INSYN2B: variants seen among roughly 807,000 people sequenced by gnomAD.
INSYN2B encodes the protein inhibitory synaptic factor family member 2B.
INSYN2B carries 16 observed loss-of-function variants against 41.2 expected under a neutral mutation model. The ratio of observed to expected loss-of-function variants is 0.39; its 90% CI spans 0.26 to 0.59. INSYN2B has a LOEUF of 0.59. INSYN2B is among the 20% of genes least tolerant of loss of function. The probability of loss-of-function intolerance (pLI) is 0.57; values close to 1 mark genes in which losing one functional copy is unlikely to be tolerated. For missense variants in INSYN2B, 608 were observed against 646.4 expected (o/e 0.94, Z 0.64); for synonymous variants, 245 against 244.4 (o/e 1.00, Z -0.02).
intron 1 of INSYN2B, among the ~76,000 whole-genome samples, chr5:169,935,391 GCCCTAGCTTT>G (rs1775940251): frequency 4.6e-5 from 7 of 152,278 alleles, no homozygotes; most frequent in African/African-American, 1.7e-4. Flanking sequence ...GGCCTAGAAT[GCCCTAGCTTT>G]CTTTCTCTTC....
chr5:169,910,212 G>C (rs765472952), intron 1 of INSYN2B, among the ~76,000 whole-genome samples: 2 of 152,124 alleles, frequency 1.3e-5, no homozygotes, highest in Non-Finnish European at 2.9e-5. Context: ...GCAAAGAAGA[G>C]GACAGTCATC....
chr5:169,901,960 G>A (rs1398248112), intron 1 of INSYN2B, among the ~76,000 whole-genome samples: 1 of 152,220 alleles, frequency 6.6e-6, no homozygotes, highest in Admixed American at 6.5e-5. Flanking sequence ...TTTGGAGCAT[G>A]AGTGGTGTAC....
At chr5:169,968,938 T>C (rs954068275) in intron 1 of INSYN2B, among the ~76,000 whole-genome samples, 6 of 152,188 alleles carry the variant, frequency 3.9e-5, no homozygotes, top group Non-Finnish European at 8.8e-5. Flanking sequence ...CACTTGAGTC[T>C]AGGAGTTTGA....
chr5:169,949,318 G>A (rs116127168), intron 1 of INSYN2B, among the ~76,000 whole-genome samples: 2 of 152,136 alleles, frequency 1.3e-5, no homozygotes, highest in Non-Finnish European at 2.9e-5. Context: ...AATGTGGACA[G>A]AACTGTAAAT....
At chr5:169,916,628 G>A (rs979188317) in intron 1 of INSYN2B, among the ~76,000 whole-genome samples, 28 of 152,186 alleles carry the variant, frequency 1.8e-4, no homozygotes, top group African/African-American at 6.0e-4. Context: ...GTGCTTAGAA[G>A]AGTACCTGGC....
At chr5:169,955,172 G>A (rs1391297700) in intron 1 of INSYN2B, among the ~76,000 whole-genome samples, 10 of 152,204 alleles carry the variant, frequency 6.6e-5, no homozygotes, top group Admixed American at 5.9e-4. Flanking sequence ...GGAGGATGAC[G>A]AGATCGCCAG....
In INSYN2B at chr5:169,943,328, C is replaced by A. The variant is rs541130040; in HGVS notation, c.-919+36949G>T. On this transcript the variant is annotated intron_variant, in intron 1 of 3. Transcript: ENST00000377365. ...GCAGTAGCTGTCTAAAGGTTGATCC[C>A]ACCCTGAGATCCAGGCCCTGTGGAC... Among the ~76,000 whole-genome samples, 6 of 152,250 alleles carry A rather than the reference C, an allele frequency of 3.9e-5. No individual in the cohort carries two copies. The South Asian group carries it at 1.2e-3, about 32-fold the overall frequency.
chr5:169,926,774 G>C (rs902811863), intron 1 of INSYN2B, among the ~76,000 whole-genome samples: 1 of 152,156 alleles, frequency 6.6e-6, no homozygotes, highest in Non-Finnish European at 1.5e-5. Flanking sequence ...CATTCATTTA[G>C]CAACTAGTTA....
chr5:169,883,959 C>A lies in INSYN2B; in HGVS notation c.-61G>T. 1.4e-6 allele frequency: 2 copies of A among 1,391,332 alleles called. No homozygotes were observed. The highest frequency in any genetic ancestry group is 1.9e-6 in the Non-Finnish European group (2 of 1,054,238). The allele number at this position is 1,391,332 out of a possible 1,614,324, so 86.2% of individuals were successfully genotyped here. A position where few individuals can be genotyped will look rare whatever the true frequency, so the allele number is the denominator to read the frequency against. On this transcript the variant is annotated 5_prime_UTR_variant, in exon 2 of 4. Coordinates refer to ENST00000377365, the MANE Select transcript of INSYN2B (RefSeq NM_001129891.3). The stretch of plus-strand genomic sequence containing the variant: ...CTCCTAGGCACATCTCCCCTTAGGT[C>A]TTTGGAGCAGTATCTAATGATAGTA...
At chr5:169,947,522 T>C (rs1776495756) in intron 1 of INSYN2B, among the ~76,000 whole-genome samples, 1 of 152,200 alleles carries the variant, frequency 6.6e-6, no homozygotes, top group African/African-American at 2.4e-5. Context: ...GCAACTAATA[T>C]CAGATTGACC....
Position 169,884,179 on chromosome 5 carries a change from A to C in INSYN2B, c.-281T>G. 7.4e-6 allele frequency: 2 copies of C among 269,946 alleles called. No homozygotes were observed. The highest frequency in any genetic ancestry group is 2.2e-5 in the African/African-American group (1 of 45,728). The allele number at this position is 269,946 out of a possible 1,614,324, so 16.7% of individuals were successfully genotyped here. A position where few individuals can be genotyped will look rare whatever the true frequency, so the allele number is the denominator to read the frequency against. ...AAATGAGTTAGGCTAACTATTAAAC[A>C]TCTGATCTACCAAGAGAGCTGGTAG... On this transcript the variant is annotated 5_prime_UTR_variant, in exon 2 of 4. It removes an upstream start codon present in the reference 5' UTR. Transcript: ENST00000377365.
chr5:169,869,435 G>GT (rs2113449550), intron 3 of INSYN2B, among the ~76,000 whole-genome samples: 1 of 152,286 alleles, frequency 6.6e-6, no homozygotes, highest in South Asian at 2.1e-4. Context: ...ATTGATTAAT[G>GT]TTTTTTAGGC....
intron 1 of INSYN2B, among the ~76,000 whole-genome samples, chr5:169,905,098 T>C (rs762080375): frequency 3.6e-4 from 55 of 152,128 alleles, no homozygotes; most frequent in Non-Finnish European, 7.3e-5. Context: ...TCAGTAAATA[T>C]GAGGTGCTGG....
At position 169,882,737 on chromosome 5, in the gene INSYN2B, T is replaced by A. The variant is rs1286688425; in HGVS notation, c.1162A>T (p.Thr388Ser). ...ATCTCCCTGTTGCTCTGAAGTTTGG[T>A]CTCACTCCTTGAAAGAGAGGATGGG... ...HLPSSLSRSETKLQSNREISD... is the reference protein window; with the variant it reads ...HLPSSLSRSESKLQSNREISD... Residue 388 changes from threonine (T) to serine (S), a missense_variant, in exon 2 of 4, where the codon ACC (threonine) becomes TCC (serine). Coordinates refer to ENST00000377365, the MANE Select transcript of INSYN2B (RefSeq NM_001129891.3). 3 of 1,551,946 alleles carry A rather than the reference T, an allele frequency of 1.9e-6. No homozygotes were observed. Among genetic ancestry groups the A allele is most frequent in the Non-Finnish European group, 1.7e-6 (2 of 1,147,004 alleles).
intron 1 of INSYN2B, among the ~76,000 whole-genome samples, chr5:169,896,875 G>T (rs116158339): frequency 6.9e-6 from 1 of 145,188 alleles, no homozygotes; most frequent in Non-Finnish European, 1.5e-5. Context: ...GTAGATGACA[G>T]AAGATGAGAG....
intron 3 of INSYN2B, chr5:169,875,371 T>C: frequency 4.4e-6 from 2 of 453,412 alleles, no homozygotes; most frequent in South Asian, 1.6e-5. Flanking sequence ...GGGAGCACTG[T>C]CTAGGGCCTA....
Position 169,883,599 on chromosome 5 carries a change from G to A in INSYN2B, c.300C>T (p.Ser100=), listed in dbSNP as rs768882464. The A allele has an allele frequency of 2.6e-6, 4 of 1,551,552 alleles. No homozygotes were observed. In the African/African-American group the frequency reaches 5.5e-5, roughly 21 times the overall value. The change falls in exon 2 of 4, where the codon TCC becomes TCT. Residue 100 remains serine (S), a synonymous_variant. Coordinates refer to ENST00000377365, the MANE Select transcript of INSYN2B (RefSeq NM_001129891.3). ...GGFRNIAIQT[S]PSLRKHFPVF... Reference sequence around the variant, plus strand: ...CTGGGAAATGCTTCCTGAGACTGGGGGAAGTTTGGATTGCAATGTTGCGAA... The same window carrying A: ...CTGGGAAATGCTTCCTGAGACTGGGAGAAGTTTGGATTGCAATGTTGCGAA...
chr5:169,972,855 C>T (rs185603541), intron 1 of INSYN2B, among the ~76,000 whole-genome samples: 87 of 152,196 alleles, frequency 5.7e-4, no homozygotes, highest in Non-Finnish European at 6.9e-4. Context: ...TTAAGCACTG[C>T]GGAATTGAGC....
At chr5:169,875,356 G>A (rs749626471) in intron 3 of INSYN2B, 19 of 456,214 alleles carry the variant, frequency 4.2e-5, no homozygotes, top group African/African-American at 1.0e-4. Flanking sequence ...CCACGACCAC[G>A]CTTTGGGAGC....
Sources: gnomAD v4.1 joint callset for allele counts (sites outside exome capture counted in the v4.1 genomes callset) on GRCh38, gnomAD v4.1.1 for gene constraint, MANE v1.5 for transcripts, NCBI Gene and HGNC (gene_info 2026-07-23, HGNC 2026-07-21) for gene names.